LINGO2: variants seen among roughly 807,000 people sequenced by gnomAD.
LINGO2 encodes leucine-rich repeat and immunoglobulin-like domain-containing nogo receptor-interacting protein 2.
In LINGO2, 14 loss-of-function variants were observed where a neutral mutation model predicts 30.6. The observed-to-expected ratio is 0.46, with a 90% CI of 0.30 to 0.72. The LOEUF is 0.72. Among genes scored for constraint, LINGO2 ranks in the 30% least tolerant of loss-of-function variants. The pLI, the probability that LINGO2 is intolerant of heterozygous loss-of-function variation, is 0.07. For missense variants in LINGO2, 729 were observed against 751.7 expected (o/e 0.97, Z 0.35); for synonymous variants, 317 against 288.5 (o/e 1.10, Z -1.00).
Position 28,525,355 on chromosome 9 carries a change from C to T in LINGO2, c.-364-49330G>A, listed in dbSNP as rs187731957. 2.0e-5 allele frequency among the ~76,000 whole-genome samples: 3 copies of T among 152,074 alleles called. No homozygotes were observed. In the East Asian group the frequency reaches 5.8e-4, roughly 29 times the overall value. ...TAGCAAAATAAGTGAAAACACACACCCATGAAAAACTTGTACATGAATGTT... is the reference window on the plus strand; with the variant it reads ...TAGCAAAATAAGTGAAAACACACACTCATGAAAAACTTGTACATGAATGTT... On this transcript the variant is annotated intron_variant, in intron 1 of 5. Transcript: ENST00000379992.
chr9:29,150,315 A>C, the LINGO2 span, among the ~76,000 whole-genome samples: 1 of 152,178 alleles, frequency 6.6e-6, no homozygotes, highest in Admixed American at 6.5e-5. Flanking sequence ...ACAACAGTCT[A>C]CTCAGATGAG....
the LINGO2 span, among the ~76,000 whole-genome samples, chr9:28,807,471 C>T: frequency 6.6e-6 from 1 of 152,110 alleles, no homozygotes; most frequent in Non-Finnish European, 1.5e-5. Context: ...TAAGTTCAAG[C>T]ATAGTAACTG....
chr9:28,599,535 C>CT (rs951796850), intron 1 of LINGO2, among the ~76,000 whole-genome samples: 3 of 151,596 alleles, frequency 2.0e-5, no homozygotes, highest in Admixed American at 6.6e-5. Context: ...TGAGGAACAG[C>CT]TTTTTTTTAA....
the LINGO2 span, among the ~76,000 whole-genome samples, chr9:29,035,509 A>G: frequency 6.7e-6 from 1 of 149,986 alleles, no homozygotes; most frequent in Non-Finnish European, 1.5e-5. Flanking sequence ...ACATCTTTGC[A>G]GGTAGAGATG....
intron 3 of LINGO2, among the ~76,000 whole-genome samples, chr9:28,313,295 G>A (rs182985065): frequency 6.6e-6 from 1 of 152,310 alleles, no homozygotes; most frequent in African/African-American, 2.4e-5. Flanking sequence ...AACGAGAGGG[G>A]TCTCTGGGCT....
At chr9:29,206,952 T>C in the LINGO2 span, among the ~76,000 whole-genome samples, 5 of 152,160 alleles carry the variant, frequency 3.3e-5, no homozygotes, top group East Asian at 3.9e-4. Flanking sequence ...TCCATAATCA[T>C]AAGCTTAACC....
At chr9:28,038,142 G>A (rs1457478150) in intron 4 of LINGO2, among the ~76,000 whole-genome samples, 1 of 152,134 alleles carries the variant, frequency 6.6e-6, no homozygotes, top group Non-Finnish European at 1.5e-5. Context: ...TCATTTTCTG[G>A]AATGATAAGA....
At chr9:28,864,998 T>A in the LINGO2 span, among the ~76,000 whole-genome samples, 1 of 152,068 alleles carries the variant, frequency 6.6e-6, no homozygotes, top group African/African-American at 2.4e-5. Context: ...GGCCACTTAA[T>A]TCAGTGCTAA....
chr9:28,057,462 T>A (rs1277328337), intron 4 of LINGO2, among the ~76,000 whole-genome samples: 2 of 151,424 alleles, frequency 1.3e-5, no homozygotes, highest in Non-Finnish European at 1.5e-5. Context: ...TTTAGGCCCA[T>A]GTTATGAAAA....
the LINGO2 span, among the ~76,000 whole-genome samples, chr9:29,160,864 G>A: frequency 1.3e-5 from 2 of 152,320 alleles, no homozygotes; most frequent in African/African-American, 4.8e-5. Context: ...AAGGTGCCAG[G>A]CGCATACTCC....
At chr9:28,339,800 C>G (rs1187835607) in intron 3 of LINGO2, among the ~76,000 whole-genome samples, 1 of 152,110 alleles carries the variant, frequency 6.6e-6, no homozygotes, top group East Asian at 1.9e-4. Context: ...ATTAGAACTT[C>G]ATTCCTACAG....
intron 2 of LINGO2, among the ~76,000 whole-genome samples, chr9:28,432,031 G>A (rs1042010514): frequency 1.3e-5 from 2 of 151,922 alleles, no homozygotes; most frequent in African/African-American, 4.8e-5. Flanking sequence ...ATCCAGATGA[G>A]CATTTAATCA....
intron 3 of LINGO2, among the ~76,000 whole-genome samples, chr9:28,316,392 C>T (rs185872875): frequency 4.3e-4 from 66 of 152,180 alleles, no homozygotes; most frequent in African/African-American, 1.4e-3. Flanking sequence ...TATGCCAGCT[C>T]TGTGTTGGGA....
At chr9:28,255,016 A>T (rs565026491) in intron 4 of LINGO2, among the ~76,000 whole-genome samples, 6 of 152,192 alleles carry the variant, frequency 3.9e-5, no homozygotes, top group Admixed American at 3.3e-4. Flanking sequence ...TCCATGTAAC[A>T]CCTAAATTTA....
the LINGO2 span, among the ~76,000 whole-genome samples, chr9:29,030,027 T>TACCA: frequency 6.6e-6 from 1 of 152,016 alleles, no homozygotes; most frequent in Admixed American, 6.6e-5. Flanking sequence ...CTAGCTGGTG[T>TACCA]TAGAAGAAAA....
At chr9:27,970,156 A>T (rs1439746775) in intron 5 of LINGO2, among the ~76,000 whole-genome samples, 3 of 152,100 alleles carry the variant, frequency 2.0e-5, no homozygotes, top group Non-Finnish European at 4.4e-5. Flanking sequence ...TACCACACAC[A>T]CTGGGATGCT....
the LINGO2 span, among the ~76,000 whole-genome samples, chr9:28,941,008 C>T: frequency 2.4e-5 from 2 of 84,020 alleles, no homozygotes; most frequent in Non-Finnish European, 2.8e-5. Context: ...CACACTCTTT[C>T]TCTCCACAAA....
the LINGO2 span, among the ~76,000 whole-genome samples, chr9:29,073,325 G>A: frequency 6.6e-6 from 1 of 151,990 alleles, no homozygotes; most frequent in Admixed American, 6.6e-5. Flanking sequence ...CCATACATTT[G>A]CAGAGTACCT....
chr9:29,026,351 C>T, the LINGO2 span, among the ~76,000 whole-genome samples: 4 of 152,100 alleles, frequency 2.6e-5, no homozygotes, highest in African/African-American at 9.7e-5. Flanking sequence ...GGATAGAAAT[C>T]AAGTTTCCAC....
Sources: gnomAD v4.1 joint callset for allele counts (sites outside exome capture counted in the v4.1 genomes callset) on GRCh38, gnomAD v4.1.1 for gene constraint, MANE v1.5 for transcripts, NCBI Gene and HGNC (gene_info 2026-07-23, HGNC 2026-07-21) for gene names.